MRPS27: variants seen among roughly 807,000 people sequenced by gnomAD.
MRPS27 encodes small ribosomal subunit protein mS27.
MRPS27 carries 43 observed loss-of-function variants against 48.9 expected under a neutral mutation model. That is an observed-to-expected ratio of 0.88 (90% CI 0.69 to 1.13). The LOEUF (loss-of-function observed/expected upper bound fraction) is 1.13. Among genes scored for constraint, MRPS27 ranks in the 50% most tolerant of loss-of-function variants. MRPS27 has a pLI of 0.00. For missense variants in MRPS27, 467 were observed against 476.3 expected, an observed-to-expected ratio of 0.98 and a Z score of 0.18; for synonymous variants, 188 against 171.9, an observed-to-expected ratio of 1.09 and a Z score of -0.73.
intron 1 of MRPS27, among the ~76,000 whole-genome samples, chr5:72,316,588 C>G (rs569505985): frequency 6.6e-6 from 1 of 152,034 alleles, no homozygotes; most frequent in South Asian, 2.1e-4. Context: ...AGGCTGGTCT[C>G]GAACTCCTAC....
At chr5:72,318,895 A>G (rs1750647512) in intron 1 of MRPS27, among the ~76,000 whole-genome samples, 1 of 152,132 alleles carries the variant, frequency 6.6e-6, no homozygotes, top group African/African-American at 2.4e-5. Context: ...GAAAATAGCT[A>G]CAACAGCTAA....
intron 2 of MRPS27, among the ~76,000 whole-genome samples, chr5:72,305,791 G>A (rs1207066536): frequency 6.6e-6 from 1 of 152,166 alleles, no homozygotes; most frequent in Non-Finnish European, 1.5e-5. Flanking sequence ...CAGTTCCCCA[G>A]TGGTTTTCTC....
At chr5:72,225,130 A>T (rs1747856850) in intron 9 of MRPS27, among the ~76,000 whole-genome samples, 1 of 152,230 alleles carries the variant, frequency 6.6e-6, no homozygotes, top group Non-Finnish European at 1.5e-5. Flanking sequence ...AATTACCAGT[A>T]CTGACTACAG....
chr5:72,222,068 T>G (rs1747759376), intron 10 of MRPS27, among the ~76,000 whole-genome samples: 1 of 152,006 alleles, frequency 6.6e-6, no homozygotes. Context: ...GGGTTGGGGG[T>G]GGGCAGGGTG....
intron 1 of MRPS27, among the ~76,000 whole-genome samples, chr5:72,319,628 C>T (rs1228487025): frequency 6.6e-6 from 1 of 151,036 alleles, no homozygotes; most frequent in Non-Finnish European, 1.5e-5. Context: ...ACTGCAACCT[C>T]CGCCTCCCGA....
chr5:72,266,751 T>G (rs942309327), intron 4 of MRPS27, among the ~76,000 whole-genome samples: 1 of 152,008 alleles, frequency 6.6e-6, no homozygotes, highest in African/African-American at 2.4e-5. Flanking sequence ...TCACAGCTAC[T>G]CGGGAGGCTG....
chr5:72,273,495 G>A (rs962635825), intron 4 of MRPS27, among the ~76,000 whole-genome samples: 1 of 152,128 alleles, frequency 6.6e-6, no homozygotes, highest in African/African-American at 2.4e-5. Flanking sequence ...AACCTAAATG[G>A]TGCAGCCTAC....
At chr5:72,273,313 T>C (rs1182763373) in intron 4 of MRPS27, among the ~76,000 whole-genome samples, 2 of 152,218 alleles carry the variant, frequency 1.3e-5, no homozygotes, top group African/African-American at 4.8e-5. Flanking sequence ...GTTTAAGTAA[T>C]TTTGTTTTTT....
At chr5:72,248,354 A>G (rs890098735) in intron 4 of MRPS27, among the ~76,000 whole-genome samples, 4 of 152,228 alleles carry the variant, frequency 2.6e-5, no homozygotes, top group Non-Finnish European at 5.9e-5. Context: ...CTGTTTCTTT[A>G]GTAATAAACC....
rs1309924443 is a variant in MRPS27, at chr5:72,220,531, AAAC to A, written c.*375_*377del. ...AATGAGACTCTGTCTCAAAAAACAAAAACAACAAAAAACAAAAGCCTGTGCTTC... is the reference window on the plus strand; with the variant it reads ...AATGAGACTCTGTCTCAAAAAACAAAAACAAAAAACAAAAGCCTGTGCTTC... On this transcript the variant is annotated 3_prime_UTR_variant, in exon 11 of 11. Coordinates refer to ENST00000261413, the MANE Select transcript of MRPS27 (RefSeq NM_015084.3). The A allele has an allele frequency of 5.8e-6, 1 of 172,764 alleles. No homozygotes were observed. The highest frequency in any genetic ancestry group is 1.2e-5 in the Non-Finnish European group (1 of 82,058). The allele number at this position is 172,764 out of a possible 1,614,324, so 10.7% of individuals were successfully genotyped here. A position where few individuals can be genotyped will look rare whatever the true frequency, so the allele number is the denominator to read the frequency against.
At chr5:72,242,665 T>TACACACACACACACACACACACACACAC (rs57589095) in intron 4 of MRPS27, among the ~76,000 whole-genome samples, 11 of 134,284 alleles carry the variant, frequency 8.2e-5, no homozygotes, top group African/African-American at 2.7e-4. Context: ...AGACCCCGTC[T>TACACACACACACACACACACACACACAC]ACACACACAC....
intron 2 of MRPS27, among the ~76,000 whole-genome samples, chr5:72,307,542 C>T (rs924664567): frequency 6.6e-6 from 1 of 152,018 alleles, no homozygotes; most frequent in Non-Finnish European, 1.5e-5. Flanking sequence ...TCAAAATTAT[C>T]CAAAGCATCG....
chr5:72,250,665 G>C (rs146284245), intron 4 of MRPS27, among the ~76,000 whole-genome samples: 1 of 152,094 alleles, frequency 6.6e-6, no homozygotes, highest in African/African-American at 2.4e-5. Context: ...TTAATCACTG[G>C]GTTATTATGA....
chr5:72,320,007 C>T, intron 1 of MRPS27, 142 bp downstream of exon 1: 1 of 777,630 alleles, frequency 1.3e-6, no homozygotes, highest in Non-Finnish European at 2.2e-6. Flanking sequence ...TACCTTGTCT[C>T]CTTCTTCTGC....
In MRPS27 at chr5:72,263,467, CA is replaced by C. The variant is rs952054725; in HGVS notation, c.282-25340del. Among the ~76,000 whole-genome samples the C allele has an allele frequency of 8.1e-5, 12 of 148,016 alleles. No homozygotes were observed. The South Asian group carries it at 1.1e-3, about 13-fold the overall frequency. ...AAAAACTTTTTGCATTAAATATTAT[CA>C]AAAAAAGCAAAAAGACAACTTACAG... is the stretch of plus-strand genomic sequence containing the variant. On this transcript the variant is annotated intron_variant, in intron 4 of 10. Coordinates refer to ENST00000261413, the MANE Select transcript of MRPS27 (RefSeq NM_015084.3).
chr5:72,263,133 C>T (rs1261952171), intron 4 of MRPS27, among the ~76,000 whole-genome samples: 1 of 152,146 alleles, frequency 6.6e-6, no homozygotes, highest in Non-Finnish European at 1.5e-5. Flanking sequence ...TCTAGTAAAA[C>T]GAAGCATTTC....
At chr5:72,305,704 A>G (rs1415319762) in intron 2 of MRPS27, among the ~76,000 whole-genome samples, 1 of 152,214 alleles carries the variant, frequency 6.6e-6, no homozygotes, top group African/African-American at 2.4e-5. Context: ...TCCTTGTCAG[A>G]AAGACTCAAG....
chr5:72,255,273 A>G (rs899976243), intron 4 of MRPS27, among the ~76,000 whole-genome samples: 5 of 151,572 alleles, frequency 3.3e-5, no homozygotes, highest in Non-Finnish European at 7.4e-5. Flanking sequence ...TTGGTCTCGA[A>G]CTCCTGACCT....
chr5:72,305,463 T>C (rs1222563113), intron 2 of MRPS27, among the ~76,000 whole-genome samples: 1 of 152,198 alleles, frequency 6.6e-6, no homozygotes, highest in African/African-American at 2.4e-5. Flanking sequence ...GAGACAGACC[T>C]GAATGCAAAT....
Sources: gnomAD v4.1 joint callset for allele counts (sites outside exome capture counted in the v4.1 genomes callset) on GRCh38, gnomAD v4.1.1 for gene constraint, MANE v1.5 for transcripts, NCBI Gene and HGNC (gene_info 2026-07-23, HGNC 2026-07-21) for gene names.